ARHGAP4: variants seen among roughly 807,000 people sequenced by gnomAD.
ARHGAP4 encodes rho GTPase-activating protein 4.
In ARHGAP4, 25 loss-of-function variants were observed where a neutral mutation model predicts 67.6. The ratio of observed to expected loss-of-function variants is 0.37; its 90% CI spans 0.27 to 0.52. The LOEUF is 0.52. Ranked by LOEUF, ARHGAP4 falls within the 20% of genes least tolerant of loss-of-function variation. The probability of loss-of-function intolerance (pLI) is 0.92; values close to 1 mark genes in which losing one functional copy is unlikely to be tolerated. For missense variants in ARHGAP4, 804 were observed against 854.6 expected, an observed-to-expected ratio of 0.94 and a Z score of 0.74; for synonymous variants, 448 against 373.7, an observed-to-expected ratio of 1.20 and a Z score of -2.29.
In ARHGAP4 at chrX:153,907,609, C is replaced by G; in HGVS notation, c.*120G>C. The G allele has an allele frequency of 2.7e-6, 1 of 370,230 alleles. No homozygotes were observed. The highest frequency in any genetic ancestry group is 7.3e-4 in the Middle Eastern group (1 of 1,366). 30.5% of individuals were successfully genotyped at this position (370,230 alleles called of 1,213,427 possible). ...CACGGCCCCATCCCACCTCTCTGCACAGGGTGAAGTGCAGGCACCCTGCAC... is the reference window on the plus strand; with the variant it reads ...CACGGCCCCATCCCACCTCTCTGCAGAGGGTGAAGTGCAGGCACCCTGCAC... On this transcript the variant is annotated 3_prime_UTR_variant, in exon 22 of 22. Transcript: ENST00000350060.
chrX:153,912,446 G>A (rs1557103486), intron 12 of ARHGAP4, among the ~76,000 whole-genome samples: 1 of 111,793 alleles, frequency 8.9e-6, no homozygotes, highest in African/African-American at 3.3e-5. Flanking sequence ...TCAATATCTC[G>A]CCCCTAAAAA....
intron 1 of ARHGAP4, among the ~76,000 whole-genome samples, chrX:153,925,233 TAA>T (rs1470902540): frequency 1.8e-5 from 2 of 111,871 alleles, no homozygotes; most frequent in East Asian, 5.6e-4. Flanking sequence ...TACTTTGGTA[TAA>T]ATTGCTTGCA....
intron 5 of ARHGAP4, chrX:153,919,605 G>A: frequency 1.7e-6 from 2 of 1,166,079 alleles, no homozygotes; most frequent in Non-Finnish European, 2.3e-6. Flanking sequence ...CCCCACCATG[G>A]AGGGTGCACG....
chrX:153,911,252 CTTTTTTTTTTTTTT>C (rs10710691), intron 12 of ARHGAP4, 63 bp from the exon 13 acceptor site: 1 of 263,717 alleles, frequency 3.8e-6, no homozygotes, highest in African/African-American at 4.7e-5. Context: ...CATTCAATTG[CTTTTTTTTTTTTTT>C]TTTTTTTTTG....
At chrX:153,925,793 G>C (rs899205769) in intron 1 of ARHGAP4, among the ~76,000 whole-genome samples, 1 of 112,917 alleles carries the variant, frequency 8.9e-6, no homozygotes, top group Non-Finnish European at 1.9e-5. Context: ...TGACTTCACT[G>C]TAGCTAAAAT....
chrX:153,921,680 C>A lies in ARHGAP4; in HGVS notation c.197G>T (p.Gly66Val). Residue 66 changes from glycine to valine, a missense_variant, in exon 2 of 22, where the codon GGC becomes GTC. Gly to Val is a moderately radical substitution (Grantham distance 109). Around this residue, in one of 2 missense-constraint regions of ARHGAP4, gnomAD observed 404 missense variants for 505.9 expected, o/e 0.80. Coordinates refer to ENST00000350060, the MANE Select transcript of ARHGAP4 (RefSeq NM_001666.5). ...GAAGCGCTCGGCCAGCTTTTCCAGG[C>A]CCCGGGAGTATTCCAGCTCCACCTC... ...RAEVELEYSRGLEKLAERFSS... is the reference protein window; with the variant it reads ...RAEVELEYSRVLEKLAERFSS... 1 of 1,209,028 alleles carries A rather than the reference C, an allele frequency of 8.3e-7. No individual in the cohort carries two copies. The highest frequency in any genetic ancestry group is 1.1e-6 in the Non-Finnish European group (1 of 894,532).
In ARHGAP4 at chrX:153,909,121, T is replaced by C; in HGVS notation, c.2556A>G (p.Arg852=). 1 of 1,211,517 alleles carries C rather than the reference T, an allele frequency of 8.3e-7. No individual in the cohort carries two copies. Among genetic ancestry groups the C allele is most frequent in the Non-Finnish European group, 1.1e-6 (1 of 895,434 alleles). ...SPEAMGPSGH[R]RRCLVPASPE... Reference sequence around the variant, plus strand: ...GGGAGGCTGGGACCAAGCAGCGTCGTCTGTGTCCAGAGGGTCCCATGGCCT... The same window carrying C: ...GGGAGGCTGGGACCAAGCAGCGTCGCCTGTGTCCAGAGGGTCCCATGGCCT... Residue 852 remains arginine, a synonymous_variant, in exon 21 of 22, where the codon AGA becomes AGG. Coordinates refer to ENST00000350060, the MANE Select transcript of ARHGAP4 (RefSeq NM_001666.5).
chrX:153,915,683 A>C (rs781906006), intron 7 of ARHGAP4, among the ~76,000 whole-genome samples: 2 of 112,252 alleles, frequency 1.8e-5, no homozygotes, highest in Non-Finnish European at 3.8e-5. Context: ...ACTCAGGAGG[A>C]GGCTCAGGCA....
At chrX:153,913,928 G>A (rs1432028111) in intron 7 of ARHGAP4, 49 bp from the exon 8 acceptor site, 5 of 1,118,931 alleles carry the variant, frequency 4.5e-6, no homozygotes, top group Middle Eastern at 2.6e-4. Context: ...TGGGCAGTAG[G>A]TGCCAAGATC....
Position 153,909,057 on chromosome X carries a change from C to T in ARHGAP4, c.2607+13G>A, listed in dbSNP as rs782774727. ...GGACAGATGTCCCTCACCTGCCACA[C>T]ACCCACTCTCACCTTATCCACCTCC... On this transcript the variant is annotated intron_variant, in intron 21 of 21. Coordinates refer to ENST00000350060, the MANE Select transcript of ARHGAP4 (RefSeq NM_001666.5). 8 of 1,204,871 alleles carry T rather than the reference C, an allele frequency of 6.6e-6. No homozygotes were observed. In the South Asian group the frequency reaches 8.8e-5, roughly 13 times the overall value.
chrX:153,921,871 C>T (rs2065097820), intron 1 of ARHGAP4, 62 bp from the exon 2 acceptor site: 2 of 1,108,917 alleles, frequency 1.8e-6, no homozygotes, highest in South Asian at 2.0e-5. Context: ...GCCAGGCCAG[C>T]GTGGGATGGG....
Position 153,907,569 on chromosome X carries a change from G to C in ARHGAP4, c.*160C>G. 1 of 374,777 alleles carries C rather than the reference G, an allele frequency of 2.7e-6. No individual in the cohort carries two copies. Among genetic ancestry groups the C allele is most frequent in the East Asian group, 4.1e-5 (1 of 24,115 alleles). The allele number at this position is 374,777 out of a possible 1,213,427, so 30.9% of individuals were successfully genotyped here. ...CTGAGGGGCAGGCAGGATGTGGAGC[G>C]GGCATCCCTGTGTGCACGGCCCCAT... On this transcript the variant is annotated 3_prime_UTR_variant, in exon 22 of 22. Transcript: ENST00000350060.
At position 153,910,596 on chromosome X, in the gene ARHGAP4, G is replaced by A. The variant is rs782110306; in HGVS notation, c.1832C>T (p.Ala611Val). ...LLASSELEAT[A>V]ERVEHVSRLL... ...GCGGCTCACGTGCTCCACCCTCTCC[G>A]CTGTGGCCTCCAGCTCTGTGGCCAA... is the stretch of plus-strand genomic sequence containing the variant. The change falls in exon 16 of 22, where the codon GCG (alanine) becomes GTG (valine). Residue 611 changes from alanine (A) to valine (V), a missense_variant. Coordinates refer to ENST00000350060, the MANE Select transcript of ARHGAP4 (RefSeq NM_001666.5). The A allele has an allele frequency of 2.8e-5, 34 of 1,205,498 alleles. No individual in the cohort carries two copies. The highest frequency in any genetic ancestry group is 4.8e-4 in the Middle Eastern group (2 of 4,196).
chrX:153,912,834 C>A, intron 11 of ARHGAP4, 32 bp from the exon 12 acceptor site: 1 of 1,161,108 alleles, frequency 8.6e-7, no homozygotes. Context: ...TCTGAGGGGG[C>A]CAGGTGTGGA....
Position 153,910,209 on chromosome X carries a change from G to A in ARHGAP4, c.2118C>T (p.Tyr706=), listed in dbSNP as rs934349924. 9.1e-6 allele frequency: 11 copies of A among 1,209,923 alleles called. No homozygotes were observed. The highest frequency in any genetic ancestry group is 4.4e-5 in the Admixed American group (2 of 45,921). ...PPLTSLPGPV[Y]EKCMAPPSAS... ...CGGAAGGCGGTGCCATGCACTTCTCGTAGACGGGGCCAGGCAGCGAGGTCA... is the reference window on the plus strand; with the variant it reads ...CGGAAGGCGGTGCCATGCACTTCTCATAGACGGGGCCAGGCAGCGAGGTCA... The change falls in exon 17 of 22, where the codon TAC becomes TAT. Residue 706 remains tyrosine (Y), a synonymous_variant. Coordinates refer to ENST00000350060, the MANE Select transcript of ARHGAP4 (RefSeq NM_001666.5).
At chrX:153,909,576 C>A (rs1557102226) in intron 19 of ARHGAP4, 41 bp from the exon 20 acceptor site, 2 of 1,115,549 alleles carry the variant, frequency 1.8e-6, no homozygotes, top group Non-Finnish European at 2.4e-6. Context: ...TGCTCCTTCC[C>A]TGCACGGGGT....
intron 20 of ARHGAP4, 78 bp from the exon 21 acceptor site, chrX:153,909,247 G>C: frequency 2.0e-6 from 2 of 996,675 alleles, no homozygotes; most frequent in Non-Finnish European, 2.7e-6. Flanking sequence ...TCCCATCCTG[G>C]GGTGTGGCCA....
chrX:153,920,482 G>A (rs782352162), intron 5 of ARHGAP4, 144 bp downstream of exon 5: 79 of 690,785 alleles, frequency 1.1e-4, no homozygotes, highest in South Asian at 1.1e-3. Flanking sequence ...GGAGCCTTCC[G>A]TATGGAATCC....
At chrX:153,918,739 G>A in intron 7 of ARHGAP4, 93 bp downstream of exon 7, 1 of 961,355 alleles carries the variant, frequency 1.0e-6, no homozygotes, top group Non-Finnish European at 1.5e-6. Flanking sequence ...GGAGAACTTG[G>A]ATTCCTGAGC....
Sources: gnomAD v4.1 joint callset for allele counts (sites outside exome capture counted in the v4.1 genomes callset) on GRCh38, gnomAD v4.1.1 for gene constraint, gnomAD v4.1.1 regional missense constraint, MANE v1.5 for transcripts, NCBI Gene and HGNC (gene_info 2026-07-23, HGNC 2026-07-21) for gene names.